Variants in MLLT10 observed in about 807,000 individuals in gnomAD.
The protein encoded by MLLT10 is MLLT10 histone lysine methyltransferase DOT1L cofactor.
A neutral mutation model predicts 129.1 loss-of-function variants in MLLT10; 30 were observed. That is an observed-to-expected ratio of 0.23 (90% CI 0.17 to 0.32). The LOEUF (loss-of-function observed/expected upper bound fraction) is 0.32. Among genes scored for constraint, MLLT10 ranks in the 10% least tolerant of loss-of-function variants. The probability of loss-of-function intolerance (pLI) is 1.00; values close to 1 mark genes in which losing one functional copy is unlikely to be tolerated. For synonymous variants in MLLT10, 490 were observed against 446.4 expected (o/e 1.10, Z -1.23); for missense variants, 1,119 against 1,268.3 (o/e 0.88, Z 1.79).
intron 11 of MLLT10, among the ~76,000 whole-genome samples, chr10:21,680,900 G>A (rs1344660596): frequency 6.6e-6 from 1 of 151,620 alleles, no homozygotes; most frequent in African/African-American, 2.4e-5. Context: ...TGAACCCAGT[G>A]AGCCGAGCTT....
chr10:21,699,165 G>A (rs1046493734), intron 13 of MLLT10, among the ~76,000 whole-genome samples: 2 of 151,690 alleles, frequency 1.3e-5, no homozygotes, highest in Admixed American at 1.3e-4. Context: ...GTGAGCCACC[G>A]TGCCCAGCAT....
intron 4 of MLLT10, among the ~76,000 whole-genome samples, chr10:21,589,418 C>G (rs2042293123): frequency 6.6e-6 from 1 of 150,968 alleles, no homozygotes; most frequent in Non-Finnish European, 1.5e-5. Context: ...GCTTTGTAGT[C>G]CTGGGCTCAA....
At chr10:21,604,861 C>A (rs1346709094) in intron 5 of MLLT10, among the ~76,000 whole-genome samples, 2 of 150,824 alleles carry the variant, frequency 1.3e-5, no homozygotes, top group Non-Finnish European at 3.0e-5. Flanking sequence ...GCAGCCTGCC[C>A]ATTTTTTTTT....
At chr10:21,686,178 C>A (rs948556512) in intron 13 of MLLT10, among the ~76,000 whole-genome samples, 2 of 152,134 alleles carry the variant, frequency 1.3e-5, no homozygotes, top group African/African-American at 4.8e-5. Flanking sequence ...TAGGCTGCTT[C>A]ATTCCAGGGC....
In MLLT10 at chr10:21,534,578, C is replaced by A; in HGVS notation, c.-1+58C>A. ...GGGGCGCCGGGGCGGGCTCGGGGGG[C>A]TGTGTGGGGGGGAAGCACTAATCGG... On this transcript the variant is annotated intron_variant, in intron 1 of 22. Transcript: ENST00000307729. The A allele has an allele frequency of 2.7e-6, 4 of 1,468,102 alleles. No individual in the cohort carries two copies. In the South Asian group the frequency reaches 5.2e-5, roughly 19 times the overall value. 90.9% of individuals were successfully genotyped at this position (1,468,102 alleles called of 1,614,324 possible).
At chr10:21,587,037 A>G (rs1358947236) in intron 4 of MLLT10, among the ~76,000 whole-genome samples, 1 of 151,638 alleles carries the variant, frequency 6.6e-6, no homozygotes, top group Non-Finnish European at 1.5e-5. Context: ...ATCTCTAGAC[A>G]GATGATGTTT....
intron 3 of MLLT10, among the ~76,000 whole-genome samples, chr10:21,546,935 C>G (rs139899315): frequency 9.3e-4 from 142 of 152,252 alleles, no homozygotes; most frequent in African/African-American, 3.0e-3. Context: ...GTTGGTCAGG[C>G]TGGTCTCGAA....
chr10:21,672,044 A>G (rs1043223314), intron 10 of MLLT10, among the ~76,000 whole-genome samples: 2 of 152,192 alleles, frequency 1.3e-5, no homozygotes, highest in African/African-American at 4.8e-5. Context: ...GTAGATAAAC[A>G]AATACTAGAC....
chr10:21,624,860 G>A, intron 8 of MLLT10: 1 of 1,114,942 alleles, frequency 9.0e-7, no homozygotes, highest in Non-Finnish European at 1.3e-6. Context: ...GACCCCCTCT[G>A]CCACCCCTAC....
At chr10:21,717,840 TCTC>T (rs2056832404) in intron 14 of MLLT10, among the ~76,000 whole-genome samples, 4 of 102,310 alleles carry the variant, frequency 3.9e-5, no homozygotes, top group African/African-American at 1.2e-4. Flanking sequence ...TCCTCCTCCT[TCTC>T]CTCCTCCTTC....
intron 14 of MLLT10, 61 bp from the exon 15 acceptor site, chr10:21,726,183 G>A: frequency 9.0e-7 from 1 of 1,112,736 alleles, no homozygotes; most frequent in South Asian, 1.6e-5. Context: ...CTATTAGAAG[G>A]GAAAACTTTT....
At chr10:21,647,080 T>C (rs1272963365) in intron 8 of MLLT10, among the ~76,000 whole-genome samples, 1 of 152,140 alleles carries the variant, frequency 6.6e-6, no homozygotes, top group African/African-American at 2.4e-5. Context: ...ATGGTCTCGA[T>C]CTCCCGACCT....
intron 8 of MLLT10, among the ~76,000 whole-genome samples, chr10:21,641,735 C>T (rs1359756017): frequency 1.3e-5 from 2 of 152,126 alleles, no homozygotes; most frequent in Non-Finnish European, 2.9e-5. Flanking sequence ...CAAAAGCAAA[C>T]AAGACGTTGA....
intron 3 of MLLT10, among the ~76,000 whole-genome samples, chr10:21,573,053 A>G (rs907357202): frequency 6.6e-6 from 1 of 152,168 alleles, no homozygotes; most frequent in African/African-American, 2.4e-5. Flanking sequence ...GTTTCTTACA[A>G]CCTTACTTAA....
chr10:21,594,275 G>A (rs2042800609), intron 4 of MLLT10, among the ~76,000 whole-genome samples: 1 of 151,908 alleles, frequency 6.6e-6, no homozygotes, highest in Admixed American at 6.6e-5. Flanking sequence ...TTCAGGCTGA[G>A]CGTGGTGCTC....
intron 3 of MLLT10, among the ~76,000 whole-genome samples, chr10:21,542,463 G>A (rs1425885694): frequency 6.6e-6 from 1 of 152,176 alleles, no homozygotes; most frequent in Non-Finnish European, 1.5e-5. Flanking sequence ...CCAGCTACTC[G>A]GGAGACTGAA....
At chr10:21,696,059 T>G (rs2054329954) in intron 13 of MLLT10, among the ~76,000 whole-genome samples, 1 of 151,770 alleles carries the variant, frequency 6.6e-6, no homozygotes, top group Admixed American at 6.6e-5. Flanking sequence ...ATCCATCCAT[T>G]AGAGGCACAA....
chr10:21,581,646 C>T (rs1465752904), intron 3 of MLLT10, among the ~76,000 whole-genome samples: 3 of 152,128 alleles, frequency 2.0e-5, no homozygotes, highest in Admixed American at 6.6e-5. Flanking sequence ...CTCATGATAG[C>T]GAGTGAATTC....
chr10:21,603,441 A>G (rs1201533557), intron 5 of MLLT10, among the ~76,000 whole-genome samples: 6 of 152,166 alleles, frequency 3.9e-5, no homozygotes, highest in Non-Finnish European at 7.4e-5. Context: ...ATGTTTCCTA[A>G]TTTGTCTGCT....
Sources: gnomAD v4.1 joint callset for allele counts (sites outside exome capture counted in the v4.1 genomes callset) on GRCh38, gnomAD v4.1.1 for gene constraint, MANE v1.5 for transcripts, NCBI Gene and HGNC (gene_info 2026-07-23, HGNC 2026-07-21) for gene names.